The following RBFOX3 variants were observed in gnomAD, a reference collection of about 807,000 sequenced individuals.
RBFOX3 encodes the protein RNA binding fox-1 homolog 3.
A neutral mutation model predicts 48.7 loss-of-function variants in RBFOX3; 17 were observed. The ratio of observed to expected loss-of-function variants is 0.35; its 90% CI spans 0.24 to 0.52. The LOEUF is 0.52. Among genes scored for constraint, RBFOX3 ranks in the 20% least tolerant of loss-of-function variants. The pLI, the probability that RBFOX3 is intolerant of heterozygous loss-of-function variation, is 0.94. For missense variants in RBFOX3, 382 were observed against 497.5 expected, an observed-to-expected ratio of 0.77 and a Z score of 2.21; for synonymous variants, 212 against 209.5, an observed-to-expected ratio of 1.01 and a Z score of -0.10.
At chr17:79,627,383 A>C in the RBFOX3 span, among the ~76,000 whole-genome samples, 1 of 152,204 alleles carries the variant, frequency 6.6e-6, no homozygotes, top group East Asian at 1.9e-4. Flanking sequence ...AGTAGAGGAG[A>C]GTTTAAGCCA....
chr17:79,404,675 A>C (rs2063320278), intron 2 of RBFOX3, among the ~76,000 whole-genome samples: 1 of 151,850 alleles, frequency 6.6e-6, no homozygotes, highest in South Asian at 2.1e-4. Context: ...GGGTCCCTCA[A>C]ATCACTCACT....
intron 1 of RBFOX3, among the ~76,000 whole-genome samples, chr17:79,511,505 A>G (rs1182017994): frequency 1.3e-5 from 2 of 152,154 alleles, no homozygotes; most frequent in Non-Finnish European, 2.9e-5. Context: ...AGCAAAGGGG[A>G]TGCAGCAGTT....
intron 3 of RBFOX3, among the ~76,000 whole-genome samples, chr17:79,286,667 T>C (rs535930055): frequency 6.6e-6 from 1 of 152,292 alleles, no homozygotes; most frequent in Non-Finnish European, 1.5e-5. Context: ...AACCCCCTAC[T>C]GGGCTGATTC....
rs1204722790 is a variant in RBFOX3 at position 79,252,497 on chromosome 17, A to G, written c.-73-16692T>C. Among the ~76,000 whole-genome samples, 2 of 151,842 alleles carry G rather than the reference A, an allele frequency of 1.3e-5. No individual in the cohort carries two copies. The highest frequency in any genetic ancestry group is 3.9e-4 in the East Asian group (2 of 5,162). ...CAATCCATCATTGACTGTCAGTTTGACCCAAGGAGTTCGGGGGCCTCTAGA... is the reference window on the plus strand; with the variant it reads ...CAATCCATCATTGACTGTCAGTTTGGCCCAAGGAGTTCGGGGGCCTCTAGA... On this transcript the variant is annotated intron_variant, in intron 3 of 14. Transcript: ENST00000693108. This position sits in a 1 kb window ranked among gnomAD's most constrained non-coding sequence, Gnocchi z 4.0.
chr17:79,497,424 A>G (rs2149685760), intron 1 of RBFOX3, among the ~76,000 whole-genome samples: 1 of 152,312 alleles, frequency 6.6e-6, no homozygotes, highest in East Asian at 1.9e-4. Context: ...AAGTCAGCCA[A>G]TGGAGCCCAA....
Position 79,477,312 on chromosome 17 carries a change from T to C in RBFOX3, c.-175+5142A>G, listed in dbSNP as rs1285850475. On this transcript the variant is annotated intron_variant, in intron 2 of 14. Transcript: ENST00000693108. This position sits in a 1 kb window ranked among gnomAD's most constrained non-coding sequence, Gnocchi z 4.8. ...TGGCTCACACCTGTAATCCCAGCAC[T>C]TTGGGAGGCCAAGGCAGGTGGATCA... is the stretch of plus-strand genomic sequence containing the variant. 6.8e-6 allele frequency among the ~76,000 whole-genome samples: 1 copy of C among 147,474 alleles called. No homozygotes were observed. The highest frequency in any genetic ancestry group is 2.0e-4 in the East Asian group (1 of 5,036).
upstream of RBFOX3, among the ~76,000 whole-genome samples, chr17:79,611,904 T>TC (rs1422128526): frequency 3.9e-5 from 6 of 152,122 alleles, no homozygotes; most frequent in Non-Finnish European, 8.8e-5. Flanking sequence ...TTCCCTAAAA[T>TC]CAAAAGATCA....
rs1299650418 is a variant in RBFOX3 at position 79,111,008 on chromosome 17, T to A, written c.223-4220A>T. ...GAACACAGTGACCAAGGGCTGCAGC[T>A]CCTGGCTGAGGGGAGAGGGCCTTGG... On this transcript the variant is annotated intron_variant, in intron 5 of 14. Transcript: ENST00000693108. This position sits in a 1 kb window ranked among gnomAD's most constrained non-coding sequence, Gnocchi z 4.2. Among the ~76,000 whole-genome samples the A allele has an allele frequency of 6.6e-6, 1 of 152,234 alleles. No individual in the cohort carries two copies. The highest frequency in any genetic ancestry group is 1.5e-5 in the Non-Finnish European group (1 of 68,040).
intron 4 of RBFOX3, among the ~76,000 whole-genome samples, chr17:79,201,032 G>A (rs1208505366): frequency 2.0e-5 from 3 of 151,660 alleles, no homozygotes; most frequent in Non-Finnish European, 2.9e-5. Flanking sequence ...TTCTCCCCAC[G>A]ACTCCTTCTC....
chr17:79,095,839 T>C (rs142207653), intron 12 of RBFOX3, among the ~76,000 whole-genome samples: 4 of 152,336 alleles, frequency 2.6e-5, no homozygotes, highest in East Asian at 1.9e-4. Flanking sequence ...ACTCCATTCA[T>C]TCACTCATTC....
chr17:79,275,211 T>C (rs73408734), intron 3 of RBFOX3, among the ~76,000 whole-genome samples: 35 of 87,444 alleles, frequency 4.0e-4, no homozygotes, highest in African/African-American at 9.9e-4. Context: ...TGGCCTCATG[T>C]TCCTCCCCTT....
intron 3 of RBFOX3, among the ~76,000 whole-genome samples, chr17:79,244,330 C>G (rs572318254): frequency 6.6e-6 from 1 of 152,128 alleles, no homozygotes; most frequent in Non-Finnish European, 1.5e-5. Flanking sequence ...AAGGAAGGAA[C>G]CTGCCCAGAA....
intron 1 of RBFOX3, among the ~76,000 whole-genome samples, chr17:79,495,040 G>A (rs902225399): frequency 4.0e-4 from 61 of 152,106 alleles, no homozygotes; most frequent in African/African-American, 1.4e-3. Context: ...AGGGTGGCAC[G>A]TTTGCCACAG....
At chr17:79,549,339 T>C (rs973389042) in intron 1 of RBFOX3, among the ~76,000 whole-genome samples, 9 of 152,306 alleles carry the variant, frequency 5.9e-5, no homozygotes, top group Middle Eastern at 3.4e-3. Flanking sequence ...CCTCTGGGGC[T>C]CATCCGTCCG....
rs1057412591 is a variant in RBFOX3, at chr17:79,443,057, C to T, written c.-175+39397G>A. Among the ~76,000 whole-genome samples the T allele has an allele frequency of 6.6e-5, 10 of 152,254 alleles. No individual in the cohort carries two copies. The highest frequency in any genetic ancestry group is 2.4e-5 in the African/African-American group (1 of 41,474). On this transcript the variant is annotated intron_variant, in intron 2 of 14. Transcript: ENST00000693108. The surrounding 1 kb of genome is among the most constrained non-coding windows in gnomAD (Gnocchi z 4.4). ...AAAACATCCACCTGTGCCATGAGGT[C>T]CTCACAGGCCAAAGGTGCACATGGA...
rs760644042 is a variant in RBFOX3 at position 79,243,484 on chromosome 17, C to T, written c.-73-7679G>A. ...TTTGCAAAGCCCATGTGCCTTTGCC[C>T]TGGGGTGTCATTTGGGACTGTGGAG... On this transcript the variant is annotated intron_variant, in intron 3 of 14. Coordinates refer to ENST00000693108, the MANE Select transcript of RBFOX3 (RefSeq NM_001350451.2). This position sits in a 1 kb window ranked among gnomAD's most constrained non-coding sequence, Gnocchi z 7.9. Among the ~76,000 whole-genome samples the T allele has an allele frequency of 2.0e-5, 3 of 152,138 alleles. No homozygotes were observed. Among genetic ancestry groups the T allele is most frequent in the Non-Finnish European group, 2.9e-5 (2 of 68,032 alleles).
intron 2 of RBFOX3, among the ~76,000 whole-genome samples, chr17:79,413,832 G>A (rs1302005234): frequency 2.0e-5 from 3 of 152,320 alleles, no homozygotes; most frequent in African/African-American, 7.2e-5. Flanking sequence ...CAGGGCAGGC[G>A]GCTGCCATCC....
At chr17:79,233,951 C>T (rs980585790) in intron 4 of RBFOX3, 2 of 152,230 alleles carry the variant, frequency 1.3e-5, no homozygotes, top group African/African-American at 4.8e-5. Flanking sequence ...CCTGGGGGCT[C>T]CTTCCGATGC....
chr17:79,290,494 C>G (rs546509526), intron 3 of RBFOX3, among the ~76,000 whole-genome samples: 10 of 152,148 alleles, frequency 6.6e-5, no homozygotes, highest in Admixed American at 2.6e-4. Context: ...GGCTCTTCGC[C>G]TCATGCCTGG....
Sources: allele counts gnomAD v4.1 joint callset (sites outside exome capture counted in the v4.1 genomes callset), GRCh38; gene constraint gnomAD v4.1.1; non-coding constraint Gnocchi (gnomAD v3.1); transcripts MANE v1.5; gene names NCBI Gene and HGNC (gene_info 2026-07-23, HGNC 2026-07-21).